NPAS3: variants seen among roughly 807,000 people sequenced by gnomAD.
NPAS3 encodes the protein neuronal PAS domain protein 3.
NPAS3 carries 14 observed loss-of-function variants against 73.1 expected under a neutral mutation model. That is an observed-to-expected ratio of 0.19 (90% confidence interval 0.13 to 0.30). The LOEUF is 0.30. Among genes scored for constraint, NPAS3 ranks in the 10% least tolerant of loss-of-function variants. The pLI, the probability that NPAS3 is intolerant of heterozygous loss-of-function variation, is 1.00. For missense variants in NPAS3, 1,096 were observed against 1,250.0 expected, an observed-to-expected ratio of 0.88 and a Z score of 1.86; for synonymous variants, 620 against 541.5, an observed-to-expected ratio of 1.14 and a Z score of -2.01.
At chr14:33,142,662 A>C (rs1179269422) in intron 2 of NPAS3, among the ~76,000 whole-genome samples, 1 of 152,200 alleles carries the variant, frequency 6.6e-6, no homozygotes, top group East Asian at 1.9e-4. Flanking sequence ...TAACTTAAGG[A>C]ATATCTATTT....
chr14:33,655,714 T>C (rs2059126319), intron 5 of NPAS3, among the ~76,000 whole-genome samples: 2 of 152,174 alleles, frequency 1.3e-5, no homozygotes, highest in African/African-American at 4.8e-5. Flanking sequence ...TGTTGTTGTT[T>C]TGGGTTTTTT....
At chr14:33,137,447 C>A (rs534746450) in intron 2 of NPAS3, among the ~76,000 whole-genome samples, 1 of 152,278 alleles carries the variant, frequency 6.6e-6, no homozygotes, top group African/African-American at 2.4e-5. Flanking sequence ...TTGAAGCAAG[C>A]AATCCACCAG....
chr14:33,473,722 A>C (rs919995599), intron 4 of NPAS3, among the ~76,000 whole-genome samples: 12 of 152,186 alleles, frequency 7.9e-5, no homozygotes, highest in Non-Finnish European at 1.8e-4. Flanking sequence ...AAGGAGTGTC[A>C]CCTGAACTGA....
intron 5 of NPAS3, among the ~76,000 whole-genome samples, chr14:33,621,864 G>T (rs944724749): frequency 1.3e-5 from 2 of 152,106 alleles, no homozygotes; most frequent in Non-Finnish European, 2.9e-5. Flanking sequence ...ACAGGGGAAA[G>T]GTCACTCAGA....
At chr14:33,418,446 A>G (rs955353494) in intron 4 of NPAS3, among the ~76,000 whole-genome samples, 2 of 152,004 alleles carry the variant, frequency 1.3e-5, no homozygotes, top group Admixed American at 1.3e-4. Context: ...TTTCACAGAG[A>G]TATCTCCTAA....
intron 3 of NPAS3, among the ~76,000 whole-genome samples, chr14:33,345,520 G>C (rs886361593): frequency 7.2e-5 from 11 of 152,208 alleles, no homozygotes; most frequent in Admixed American, 2.6e-4. Context: ...TGAAAGTTAA[G>C]AAGTATTCTA....
intron 5 of NPAS3, among the ~76,000 whole-genome samples, chr14:33,616,472 A>G (rs1189209659): frequency 6.6e-6 from 1 of 152,152 alleles, no homozygotes; most frequent in Non-Finnish European, 1.5e-5. Context: ...GATCACACAA[A>G]TCCAGACCAG....
At position 33,087,551 on chromosome 14, in the gene NPAS3, A is replaced by T. The variant is rs1390518925; in HGVS notation, c.140+31557A>T. 7.2e-5 allele frequency among the ~76,000 whole-genome samples: 11 copies of T among 152,288 alleles called. No homozygotes were observed. The East Asian group carries it at 2.1e-3, about 29-fold the overall frequency. On this transcript the variant is annotated intron_variant, in intron 2 of 11. Coordinates refer to ENST00000356141, the Ensembl canonical transcript of NPAS3. ...AGTGATTAACTGGAAATTCATTTGT[A>T]TTGGCTAAATGTTTTAAAGTAGGTC...
intron 2 of NPAS3, among the ~76,000 whole-genome samples, chr14:33,177,689 C>T (rs558633489): frequency 6.6e-5 from 10 of 152,196 alleles, no homozygotes; most frequent in East Asian, 1.9e-4. Context: ...ATTGCTATGA[C>T]GTAGAGGTCC....
chr14:33,787,448 G>C (rs982258848), intron 9 of NPAS3, among the ~76,000 whole-genome samples: 1 of 151,924 alleles, frequency 6.6e-6, no homozygotes, highest in Non-Finnish European at 1.5e-5. Flanking sequence ...TTCAAGCAGG[G>C]CCTGTCATTA....
At chr14:33,693,202 T>G (rs369123373) in intron 6 of NPAS3, among the ~76,000 whole-genome samples, 1 of 152,226 alleles carries the variant, frequency 6.6e-6, no homozygotes, top group Non-Finnish European at 1.5e-5. Flanking sequence ...TTTTGCTCAA[T>G]GATTTATGCT....
intron 3 of NPAS3, among the ~76,000 whole-genome samples, chr14:33,341,064 A>G (rs1298009511): frequency 2.0e-5 from 3 of 152,328 alleles, no homozygotes; most frequent in African/African-American, 7.2e-5. Flanking sequence ...GCCAAACTCT[A>G]CTTCAACAGG....
At chr14:33,709,916 C>G (rs946079446) in intron 6 of NPAS3, among the ~76,000 whole-genome samples, 6 of 152,190 alleles carry the variant, frequency 3.9e-5, no homozygotes, top group African/African-American at 1.4e-4. Context: ...ACTGTGCACA[C>G]AGCCCCACGC....
chr14:33,484,922 G>A (rs981597923), intron 4 of NPAS3, among the ~76,000 whole-genome samples: 5 of 152,082 alleles, frequency 3.3e-5, no homozygotes, highest in African/African-American at 4.8e-5. Context: ...TTCCCCTGAC[G>A]CATCACAGAG....
At chr14:32,951,317 G>A (rs1305384038) in intron 1 of NPAS3, among the ~76,000 whole-genome samples, 4 of 151,940 alleles carry the variant, frequency 2.6e-5, no homozygotes, top group Middle Eastern at 3.4e-3. Flanking sequence ...TTTTCCAATG[G>A]CATTAACATT....
At position 33,669,541 on chromosome 14, in the gene NPAS3, A is replaced by C. The variant is rs1277989318; in HGVS notation, c.559-6670A>C. Among the ~76,000 whole-genome samples, 3 of 152,314 alleles carry C rather than the reference A, an allele frequency of 2.0e-5. No individual in the cohort carries two copies. In the East Asian group the frequency reaches 5.8e-4, roughly 29 times the overall value. On this transcript the variant is annotated intron_variant, in intron 5 of 11. Transcript: ENST00000356141. Reference sequence around the variant, plus strand: ...ACCACTGCTTGCATAGTATGGTGTGATGGAGGTATACCTGATCTAAGATTA... The same window carrying C: ...ACCACTGCTTGCATAGTATGGTGTGCTGGAGGTATACCTGATCTAAGATTA...
At chr14:33,635,966 C>T (rs137962342) in intron 5 of NPAS3, among the ~76,000 whole-genome samples, 3 of 151,952 alleles carry the variant, frequency 2.0e-5, no homozygotes, top group Non-Finnish European at 2.9e-5. Context: ...TTTTTTAAGA[C>T]GGAGTTTTGC....
chr14:33,777,419 T>C (rs1193181648), intron 8 of NPAS3, among the ~76,000 whole-genome samples: 1 of 151,868 alleles, frequency 6.6e-6, no homozygotes, highest in East Asian at 1.9e-4. Flanking sequence ...TTTAATTATG[T>C]TTCTTTTTTT....
At chr14:33,577,989 G>A (rs1299926550) in intron 5 of NPAS3, among the ~76,000 whole-genome samples, 3 of 152,106 alleles carry the variant, frequency 2.0e-5, no homozygotes, top group African/African-American at 2.4e-5. Context: ...AGTGTCTCTC[G>A]GCCTTGTGCC....
Sources: gnomAD v4.1 joint callset for allele counts (sites outside exome capture counted in the v4.1 genomes callset) on GRCh38, gnomAD v4.1.1 for gene constraint, MANE v1.5 for transcripts, NCBI Gene and HGNC (gene_info 2026-07-23, HGNC 2026-07-21) for gene names.